Variants in LRRC37A2 observed in about 807,000 individuals in gnomAD.
The protein encoded by LRRC37A2 is leucine rich repeat containing 37 member A2.
A neutral mutation model predicts 68.8 loss-of-function variants in LRRC37A2; 9 were observed. The observed-to-expected ratio is 0.13, with a 90% CI of 0.08 to 0.23. LRRC37A2 has a LOEUF of 0.23. LRRC37A2 is among the 10% of genes least tolerant of loss of function. The probability of loss-of-function intolerance (pLI) is 1.00; values close to 1 mark genes in which losing one functional copy is unlikely to be tolerated. For missense variants in LRRC37A2, 168 were observed against 950.4 expected, an observed-to-expected ratio of 0.18 and a Z score of 10.82; for synonymous variants, 63 against 367.6, an observed-to-expected ratio of 0.17 and a Z score of 9.48.
At chr17:46,979,012 G>A in the LRRC37A2 span, 1 of 1,400,520 alleles carries the variant, frequency 7.1e-7, no homozygotes, top group Non-Finnish European at 9.2e-7. Context: ...GTTCATCGCC[G>A]CGCGGCGCCG....
At chr17:46,790,759 TGAAGAA>T in the LRRC37A2 span, among the ~76,000 whole-genome samples, 1 of 152,230 alleles carries the variant, frequency 6.6e-6, no homozygotes, top group African/African-American at 2.4e-5. Flanking sequence ...CCAGCAGCCA[TGAAGAA>T]GAAGCATTTG....
chr17:46,539,943 CTTT>C (rs1317290619), intron 6 of LRRC37A2, among the ~76,000 whole-genome samples: 1 of 139,072 alleles, frequency 7.2e-6, no homozygotes, highest in Non-Finnish European at 1.5e-5. Flanking sequence ...TTGCTATCCA[CTTT>C]TTTTTTCCTT....
At chr17:46,679,874 A>G in the LRRC37A2 span, among the ~76,000 whole-genome samples, 4 of 151,014 alleles carry the variant, frequency 2.6e-5, no homozygotes, top group Non-Finnish European at 5.9e-5. Flanking sequence ...TGTGATGATA[A>G]TAAAAAGGTA....
chr17:46,891,670 G>A, the LRRC37A2 span, among the ~76,000 whole-genome samples: 5,222 of 152,150 alleles, frequency 0.034, 105 homozygotes, highest in Middle Eastern at 0.065. Context: ...AATGCTTCCC[G>A]TTCCACATGA....
the LRRC37A2 span, chr17:46,940,758 G>A: frequency 6.4e-7 from 1 of 1,554,136 alleles, no homozygotes; most frequent in East Asian, 2.4e-5. Flanking sequence ...CACCTTCAGA[G>A]CCAGTCCTCT....
chr17:46,818,469 G>A, the LRRC37A2 span: 1 of 1,561,626 alleles, frequency 6.4e-7, no homozygotes, highest in Non-Finnish European at 8.7e-7. Flanking sequence ...CACCTTCCCC[G>A]GACGCGGCGG....
At chr17:46,931,021 A>C in the LRRC37A2 span, 2 of 842,694 alleles carry the variant, frequency 2.4e-6, no homozygotes, top group East Asian at 4.8e-5. Context: ...ATATTGAAAA[A>C]AAAATCTGTG....
At chr17:46,929,567 A>G in the LRRC37A2 span, 4 of 1,539,108 alleles carry the variant, frequency 2.6e-6, no homozygotes, top group East Asian at 9.0e-5. Flanking sequence ...GAGACGGCAG[A>G]CAAGCAGTCT....
chr17:46,843,585 C>T, the LRRC37A2 span, among the ~76,000 whole-genome samples: 7 of 152,198 alleles, frequency 4.6e-5, no homozygotes, highest in Non-Finnish European at 1.0e-4. Flanking sequence ...TTTACTGCTG[C>T]ACAGTCGTTA....
the LRRC37A2 span, among the ~76,000 whole-genome samples, chr17:46,716,834 G>C: frequency 6.6e-6 from 1 of 152,040 alleles, no homozygotes; most frequent in East Asian, 1.9e-4. Context: ...TTATATATTG[G>C]GGATTACATT....
At chr17:46,796,891 A>G in the LRRC37A2 span, among the ~76,000 whole-genome samples, 1 of 152,196 alleles carries the variant, frequency 6.6e-6, no homozygotes, top group Non-Finnish European at 1.5e-5. Context: ...ACTAGTTTAC[A>G]CGGGATGATT....
chr17:46,679,938 T>G, the LRRC37A2 span, among the ~76,000 whole-genome samples: 1 of 146,272 alleles, frequency 6.8e-6, no homozygotes, highest in Middle Eastern at 3.4e-3. Context: ...GTGCCTAGGA[T>G]TCGATCTAGC....
chr17:47,042,278 C>T, the LRRC37A2 span, among the ~76,000 whole-genome samples: 22 of 149,962 alleles, frequency 1.5e-4, 1 homozygote, highest in South Asian at 3.8e-3. Context: ...GCAACCTCCA[C>T]CTCCCGGGTT....
chr17:46,942,416 ACTGTGAAG>A, the LRRC37A2 span, among the ~76,000 whole-genome samples: 1 of 152,170 alleles, frequency 6.6e-6, no homozygotes, highest in African/African-American at 2.4e-5. Context: ...AGCTGTGGTG[ACTGTGAAG>A]GCCTCACAGG....
the LRRC37A2 span, among the ~76,000 whole-genome samples, chr17:46,843,854 C>T: frequency 6.6e-6 from 1 of 152,234 alleles, no homozygotes; most frequent in South Asian, 2.1e-4. Context: ...GTGTGCTCCT[C>T]AAGGACAAGA....
At chr17:46,951,896 C>G in the LRRC37A2 span, among the ~76,000 whole-genome samples, 312 of 152,252 alleles carry the variant, frequency 2.0e-3, 1 homozygote, top group African/African-American at 6.5e-3. Context: ...CTTCTCCCCC[C>G]CAGACATCAC....
the LRRC37A2 span, among the ~76,000 whole-genome samples, chr17:46,892,943 C>CT: frequency 0.017 from 2,479 of 146,904 alleles, 73 homozygotes; most frequent in African/African-American, 0.057. Flanking sequence ...TTTTTCTTTT[C>CT]TTTTTTTTTT....
chr17:46,983,676 C>A, the LRRC37A2 span, among the ~76,000 whole-genome samples: 3 of 152,162 alleles, frequency 2.0e-5, no homozygotes, highest in African/African-American at 7.2e-5. Flanking sequence ...TCATAATAAC[C>A]CTGAAAGGTA....
At chr17:46,889,898 T>C in the LRRC37A2 span, among the ~76,000 whole-genome samples, 5 of 152,234 alleles carry the variant, frequency 3.3e-5, no homozygotes, top group Non-Finnish European at 7.3e-5. Context: ...AGGATCGAGA[T>C]ACTAACACAC....
Sources: gnomAD v4.1 joint callset for allele counts (sites outside exome capture counted in the v4.1 genomes callset) on GRCh38, gnomAD v4.1.1 for gene constraint, MANE v1.5 for transcripts, NCBI Gene and HGNC (gene_info 2026-07-23, HGNC 2026-07-21) for gene names.